Variants in VIT observed in about 807,000 individuals in gnomAD.
VIT encodes the protein vitrin.
Under a neutral mutation model 78.0 loss-of-function variants are expected in VIT, and 99 were observed. That is an observed-to-expected ratio of 1.27 (90% CI 1.08 to 1.50). The LOEUF (loss-of-function observed/expected upper bound fraction) is 1.50, where lower values mean the gene tolerates loss of function less well. Among genes scored for constraint, VIT ranks in the 40% most tolerant of loss-of-function variants. The probability of loss-of-function intolerance (pLI) is 0.00; values close to 1 mark genes in which losing one functional copy is unlikely to be tolerated. For missense variants in VIT, 1,126 were observed against 875.3 expected, an observed-to-expected ratio of 1.29 and a Z score of -3.61; for synonymous variants, 374 against 334.3, an observed-to-expected ratio of 1.12 and a Z score of -1.29.
chr2:36,783,536 T>C, intron 11 of VIT, 134 bp downstream of exon 11: 3 of 823,934 alleles, frequency 3.6e-6, no homozygotes, highest in Non-Finnish European at 5.8e-6. Flanking sequence ...TTCTGACACC[T>C]TGTTCTAAGG....
chr2:36,810,029 C>A (rs574676660), intron 15 of VIT, among the ~76,000 whole-genome samples: 1 of 142,824 alleles, frequency 7.0e-6, no homozygotes, highest in African/African-American at 2.7e-5. Context: ...CAATGGCCCA[C>A]GCCTGTGATC....
chr2:36,782,823 A>T (rs1300120733), intron 10 of VIT, among the ~76,000 whole-genome samples: 1 of 152,120 alleles, frequency 6.6e-6, no homozygotes, highest in Non-Finnish European at 1.5e-5. Context: ...AAGCCCTCTT[A>T]TGTGAGTTAC....
intron 11 of VIT, among the ~76,000 whole-genome samples, chr2:36,785,646 C>G (rs956437194): frequency 6.6e-6 from 1 of 152,128 alleles, no homozygotes; most frequent in East Asian, 1.9e-4. Flanking sequence ...ACTGAACGCC[C>G]AGGCAGACAG....
At chr2:36,717,981 C>A (rs1464873479) in intron 2 of VIT, among the ~76,000 whole-genome samples, 1 of 152,176 alleles carries the variant, frequency 6.6e-6, no homozygotes, top group African/African-American at 2.4e-5. Context: ...GTTTCTTTGG[C>A]CTGTACATGT....
intron 4 of VIT, among the ~76,000 whole-genome samples, chr2:36,745,836 A>T (rs1460473472): frequency 6.6e-6 from 1 of 152,158 alleles, no homozygotes; most frequent in Non-Finnish European, 1.5e-5. Context: ...GACTTCTAGT[A>T]CTATGTGAAA....
chr2:36,780,834 G>T (rs905348137), intron 9 of VIT, among the ~76,000 whole-genome samples: 1 of 151,978 alleles, frequency 6.6e-6, no homozygotes, highest in Non-Finnish European at 1.5e-5. Flanking sequence ...GGGAGGGAGG[G>T]GAGACATGGA....
chr2:36,776,552 G>A (rs1670056416), intron 9 of VIT, among the ~76,000 whole-genome samples: 1 of 152,156 alleles, frequency 6.6e-6, no homozygotes, highest in East Asian at 1.9e-4. Context: ...GGTAATCCCA[G>A]CACTTTGGGA....
At chr2:36,795,170 C>T (rs1278198981) in intron 12 of VIT, among the ~76,000 whole-genome samples, 1 of 152,070 alleles carries the variant, frequency 6.6e-6, no homozygotes, top group Non-Finnish European at 1.5e-5. Context: ...TCTCTGGATT[C>T]TGTATTTGCA....
chr2:36,787,026 T>G (rs1170042699), intron 11 of VIT, 103 bp from the exon 12 acceptor site: 2 of 1,444,152 alleles, frequency 1.4e-6, no homozygotes, highest in Non-Finnish European at 1.9e-6. Context: ...TCCCTTTCTT[T>G]TCATTTCTCA....
chr2:36,708,686 T>C (rs1052570427), intron 1 of VIT, among the ~76,000 whole-genome samples: 2 of 152,126 alleles, frequency 1.3e-5, no homozygotes, highest in Non-Finnish European at 2.9e-5. Context: ...GTCCTGTCCT[T>C]TCCTGTTCAC....
In VIT at chr2:36,808,481, A is replaced by G; in HGVS notation, c.1399A>G (p.Arg467Gly). Residue 467 changes from arginine to glycine, a missense_variant, in exon 15 of 16, where the codon AGA (arginine) becomes GGA (glycine). By Grantham distance (125) the Arg-to-Gly change is moderately radical. Coordinates refer to ENST00000379242, the MANE Select transcript of VIT (RefSeq NM_053276.4). ...EPNFANKAVC[R>G]TNGFYSLHVQ... ...CCCCTCTGTCTTCTAGGCCGTGTGC[A>G]GAACAAACGGCTTCTACTCGCTCCA... 1.9e-6 allele frequency: 3 copies of G among 1,606,176 alleles called. No individual in the cohort carries two copies. Among genetic ancestry groups the G allele is most frequent in the Non-Finnish European group, 2.6e-6 (3 of 1,173,966 alleles).
In VIT at chr2:36,759,260, C is replaced by T; in HGVS notation, c.487+214C>T. Reference sequence around the variant, plus strand: ...GCTTTATTTTTTGTTTTTGCAATTCCGAGATTGTGTCTCTATATTTGTGTC... The same window carrying T: ...GCTTTATTTTTTGTTTTTGCAATTCTGAGATTGTGTCTCTATATTTGTGTC... On this transcript the variant is annotated intron_variant, in intron 6 of 15. Transcript: ENST00000379242. 4.0e-6 allele frequency: 6 copies of T among 1,495,478 alleles called. No individual in the cohort carries two copies. The South Asian group carries it at 4.0e-5, about 10-fold the overall frequency. 92.6% of individuals were successfully genotyped at this position (1,495,478 alleles called of 1,614,324 possible). A position where few individuals can be genotyped will look rare whatever the true frequency, so the allele number is the denominator to read the frequency against.
chr2:36,767,383 T>A, intron 7 of VIT, 98 bp downstream of exon 7: 1 of 1,246,990 alleles, frequency 8.0e-7, no homozygotes, highest in Non-Finnish European at 1.0e-6. Flanking sequence ...GCTGGGTGAA[T>A]GGGGAGCACT....
At chr2:36,779,402 A>G (rs1664577174) in intron 9 of VIT, among the ~76,000 whole-genome samples, 1 of 152,200 alleles carries the variant, frequency 6.6e-6, no homozygotes, top group African/African-American at 2.4e-5. Flanking sequence ...CATAAACACC[A>G]ATGGCTTCTA....
chr2:36,712,451 C>T (rs1436102581), intron 1 of VIT, among the ~76,000 whole-genome samples: 1 of 152,158 alleles, frequency 6.6e-6, no homozygotes, highest in Non-Finnish European at 1.5e-5. Context: ...CTCCGCCTTC[C>T]CTTTGGGTTT....
At chr2:36,743,041 C>G in intron 3 of VIT, 59 bp from the exon 4 acceptor site, 1 of 1,598,592 alleles carries the variant, frequency 6.3e-7, no homozygotes, top group East Asian at 2.2e-5. Flanking sequence ...CTAACAGTGT[C>G]ACCCCACAGA....
chr2:36,801,170 A>G, intron 12 of VIT, 131 bp from the exon 13 acceptor site: 1 of 832,848 alleles, frequency 1.2e-6, no homozygotes, highest in Non-Finnish European at 2.0e-6. Context: ...ACAATGGGAC[A>G]TTTTACAAGG....
chr2:36,787,157 T>G lies in VIT; in HGVS notation c.939T>G (p.Ile313Met). Residue 313 changes from isoleucine to methionine, a missense_variant, in exon 12 of 16, where the codon ATT becomes ATG. Physicochemically the swap from Ile to Met is conservative, Grantham distance 10. Transcript: ENST00000379242. ...GCAAAATTGACTTGTCGTTTTTAAT[T>G]GATGGGAGCACCAGCATTGGCAAAC... ...PNCKIDLSFL[I>M]DGSTSIGKRR... is the part of the protein sequence containing the mutation. 1 of 1,614,198 alleles carries G rather than the reference T, an allele frequency of 6.2e-7. No homozygotes were observed. Among genetic ancestry groups the G allele is most frequent in the African/African-American group, 1.3e-5 (1 of 75,048 alleles).
intron 1 of VIT, among the ~76,000 whole-genome samples, chr2:36,703,593 G>A (rs1053398914): frequency 6.6e-5 from 10 of 152,160 alleles, no homozygotes; most frequent in South Asian, 2.1e-4. Context: ...CCTAAATAAC[G>A]TTTGCGTGTG....
Sources: allele counts gnomAD v4.1 joint callset (sites outside exome capture counted in the v4.1 genomes callset), GRCh38; gene constraint gnomAD v4.1.1; transcripts MANE v1.5; gene names NCBI Gene and HGNC (gene_info 2026-07-23, HGNC 2026-07-21).